The following PDZD2 variants were observed in gnomAD, a reference collection of about 807,000 sequenced individuals.
PDZD2 encodes PDZ domain-containing protein 2.
Under a neutral mutation model 220.7 loss-of-function variants are expected in PDZD2, and 90 were observed. The observed-to-expected ratio is 0.41, with a 90% CI of 0.34 to 0.49. The LOEUF is 0.49. Among genes scored for constraint, PDZD2 ranks in the 20% least tolerant of loss-of-function variants. PDZD2 has a pLI of 0.28. For missense variants in PDZD2, 3,174 were observed against 3,608.5 expected, an observed-to-expected ratio of 0.88 and a Z score of 3.08; for synonymous variants, 1,375 against 1,450.5, an observed-to-expected ratio of 0.95 and a Z score of 1.18.
At chr5:32,042,661 C>T (rs1446264056) in intron 7 of PDZD2, among the ~76,000 whole-genome samples, 1 of 152,166 alleles carries the variant, frequency 6.6e-6, no homozygotes, top group Admixed American at 6.5e-5. Flanking sequence ...TACGCTTGAA[C>T]GAGTTACAAC....
chr5:31,811,454 C>G lies in PDZD2; in HGVS notation c.476+11730C>G, dbSNP rs1158966120. Among the ~76,000 whole-genome samples, 4 of 152,176 alleles carry G rather than the reference C, an allele frequency of 2.6e-5. No homozygotes were observed. The East Asian group carries it at 7.7e-4, about 29-fold the overall frequency. On this transcript the variant is annotated intron_variant, in intron 2 of 24. Coordinates refer to ENST00000438447, the MANE Select transcript of PDZD2 (RefSeq NM_178140.4). ...TTCACCAAAGGAAAGATGATTCTAT[C>G]ATTTGCAATGTCTCTTTGACTTAAA...
intron 2 of PDZD2, among the ~76,000 whole-genome samples, chr5:31,948,204 G>T (rs1746824173): frequency 6.6e-6 from 1 of 152,120 alleles, no homozygotes; most frequent in African/African-American, 2.4e-5. Context: ...TTTTGTGGTG[G>T]CTTTCCAGCT....
At position 32,087,392 on chromosome 5, in the gene PDZD2, A is replaced by G; in HGVS notation, c.3944A>G (p.His1315Arg). Residue 1315 changes from histidine to arginine, a missense_variant, in exon 20 of 25, where the codon CAC (histidine) becomes CGC (arginine). This residue lies in a region of PDZD2 where 1,861 missense variants were observed against 2,001.0 expected (regional missense o/e 0.93). Transcript: ENST00000438447. This position sits in a 1 kb window ranked among gnomAD's most constrained non-coding sequence, Gnocchi z 4.0. ...TCAGCATCGGAAACCAGCACACCCC[A>G]CAATACCAGGAGGGTGGCTGCCCTC... ...TRSASETSTP[H>R]NTRRVAALRG... is the part of the protein sequence containing the mutation. 1.2e-6 allele frequency: 2 copies of G among 1,614,074 alleles called. No homozygotes were observed. Among genetic ancestry groups the G allele is most frequent in the Non-Finnish European group, 1.7e-6 (2 of 1,179,966 alleles).
At chr5:31,921,564 C>T (rs1199143729) in intron 2 of PDZD2, among the ~76,000 whole-genome samples, 7 of 152,078 alleles carry the variant, frequency 4.6e-5, no homozygotes, top group Admixed American at 4.6e-4. Context: ...CTGGTCTGCC[C>T]CTGCGGTCCC....
At chr5:31,812,252 C>G (rs1755165011) in intron 2 of PDZD2, among the ~76,000 whole-genome samples, 1 of 152,036 alleles carries the variant, frequency 6.6e-6, no homozygotes, top group South Asian at 2.1e-4. Context: ...TGAAAAGATC[C>G]ATGCGTAAGA....
Position 32,090,870 on chromosome 5 carries a change from C to T in PDZD2, c.7422C>T (p.Pro2474=). ...RNKSSVRHTQ[P]SPVSRSKLQE... The stretch of plus-strand genomic sequence containing the variant: ...AGTCCTCGGTACGCCACACGCAGCC[C>T]TCGCCCGTGTCCCGCTCCAAGCTCC... Residue 2474 remains proline, a synonymous_variant, in exon 20 of 25, where the codon CCC becomes CCT. Coordinates refer to ENST00000438447, the MANE Select transcript of PDZD2 (RefSeq NM_178140.4). The surrounding 1 kb of genome is among the most constrained non-coding windows in gnomAD (Gnocchi z 4.3). 6 of 1,614,024 alleles carry T rather than the reference C, an allele frequency of 3.7e-6. No individual in the cohort carries two copies. The highest frequency in any genetic ancestry group is 5.1e-6 in the Non-Finnish European group (6 of 1,180,020).
intron 24 of PDZD2, among the ~76,000 whole-genome samples, chr5:32,103,007 G>A (rs1561608561): frequency 6.6e-6 from 1 of 152,148 alleles, no homozygotes; most frequent in Non-Finnish European, 1.5e-5. Context: ...AAATCCATGT[G>A]AAGATAGATA....
rs113428763 is a variant in PDZD2 at position 32,096,339 on chromosome 5, C to T, written c.7846-940C>T. On this transcript the variant is annotated intron_variant, in intron 21 of 24. Transcript: ENST00000438447. Reference sequence around the variant, plus strand: ...AGTGAACTTTGGGGGTTTTTTGAGACAGAGCCTCACTCCATCACCCAGGCT... The same window carrying T: ...AGTGAACTTTGGGGGTTTTTTGAGATAGAGCCTCACTCCATCACCCAGGCT... Among the ~76,000 whole-genome samples the T allele has an allele frequency of 1.3e-4, 20 of 152,028 alleles. 1 individual carries two copies. The highest frequency in any genetic ancestry group is 4.8e-4 in the African/African-American group (20 of 41,486).
In PDZD2 at chr5:31,840,543, A is replaced by G. The variant is rs940275100; in HGVS notation, c.476+40819A>G. The G allele has an allele frequency of 2.4e-5, 16 of 656,860 alleles. 1 individual carries two copies. The East Asian group carries it at 4.3e-4, about 18-fold the overall frequency. The allele number at this position is 656,860 out of a possible 1,614,324, so 40.7% of individuals were successfully genotyped here. A position where few individuals can be genotyped will look rare whatever the true frequency, so the allele number is the denominator to read the frequency against. ...GTTCCAGCAGCTCAGGCTCCTTCCC[A>G]CTGGTTCTCACAAAATGTGCTTCTC... On this transcript the variant is annotated intron_variant, in intron 2 of 24. Transcript: ENST00000438447.
intron 2 of PDZD2, among the ~76,000 whole-genome samples, chr5:31,969,222 T>A (rs1037644907): frequency 5.3e-5 from 8 of 152,030 alleles, no homozygotes; most frequent in African/African-American, 1.9e-4. Context: ...AAAGGACATG[T>A]TCAGCCAGGC....
intron 14 of PDZD2, among the ~76,000 whole-genome samples, chr5:32,068,840 C>CCT (rs1554036768): frequency 6.6e-6 from 1 of 151,660 alleles, no homozygotes; most frequent in African/African-American, 2.4e-5. Context: ...ATTCTGTGTG[C>CCT]GTGTGTGTGT....
chr5:31,810,456 G>C (rs563990893), intron 2 of PDZD2, among the ~76,000 whole-genome samples: 1 of 152,020 alleles, frequency 6.6e-6, no homozygotes, highest in African/African-American at 2.4e-5. Flanking sequence ...TAGTAGAGAC[G>C]GGGTTTCACT....
At chr5:32,026,894 GT>G (rs1754710084) in intron 6 of PDZD2, among the ~76,000 whole-genome samples, 1 of 151,910 alleles carries the variant, frequency 6.6e-6, no homozygotes, top group African/African-American at 2.4e-5. Context: ...TCCTTTTTTT[GT>G]TGTTTTTGTT....
At chr5:31,954,964 T>A (rs543158966) in intron 2 of PDZD2, among the ~76,000 whole-genome samples, 1 of 152,052 alleles carries the variant, frequency 6.6e-6, no homozygotes, top group South Asian at 2.1e-4. Context: ...GGGAACAATT[T>A]GAGAAAGTTT....
intron 1 of PDZD2, among the ~76,000 whole-genome samples, chr5:31,692,314 G>A (rs1008089984): frequency 7.9e-5 from 12 of 152,186 alleles, no homozygotes; most frequent in Non-Finnish European, 1.2e-4. Context: ...CGCAAGCACC[G>A]GGCGCGGCCC....
intron 1 of PDZD2, among the ~76,000 whole-genome samples, chr5:31,693,377 G>A (rs2150129559): frequency 1.3e-5 from 2 of 151,870 alleles, no homozygotes; most frequent in South Asian, 4.2e-4. Flanking sequence ...GAGTAGCTGG[G>A]ACTACAGGTG....
At chr5:32,072,502 G>T (rs191399798) in intron 17 of PDZD2, among the ~76,000 whole-genome samples, 185 bp downstream of exon 17, 262 of 152,330 alleles carry the variant, frequency 1.7e-3, no homozygotes, top group African/African-American at 6.1e-3. Flanking sequence ...AGGCCGAGGC[G>T]GGGGGATCAC....
intron 1 of PDZD2, among the ~76,000 whole-genome samples, chr5:31,766,704 A>G (rs1445474486): frequency 2.0e-5 from 3 of 149,554 alleles, no homozygotes; most frequent in Non-Finnish European, 4.4e-5. Context: ...CATAAGATTC[A>G]TAAGTTCTTT....
chr5:31,847,883 G>C (rs959816100), intron 2 of PDZD2: 7 of 494,422 alleles, frequency 1.4e-5, no homozygotes, highest in African/African-American at 1.4e-4. Flanking sequence ...GAATGTTGCA[G>C]ATTACATGCG....
Sources: gnomAD v4.1 joint callset for allele counts (sites outside exome capture counted in the v4.1 genomes callset) on GRCh38, gnomAD v4.1.1 for gene constraint, gnomAD v4.1.1 regional missense constraint, Gnocchi (gnomAD v3.1) non-coding constraint, MANE v1.5 for transcripts, NCBI Gene and HGNC (gene_info 2026-07-23, HGNC 2026-07-21) for gene names.